REDIC1: variants seen among roughly 807,000 people sequenced by gnomAD.
REDIC1 encodes HEI10 Interacting Protein 1.
At chr12:39,714,876 C>T in the REDIC1 span, among the ~76,000 whole-genome samples, 14 of 151,962 alleles carry the variant, frequency 9.2e-5, no homozygotes, top group South Asian at 1.2e-3. Context: ...TGAGAATTGT[C>T]TATTCATGCC....
chr12:39,811,072 A>G, the REDIC1 span, among the ~76,000 whole-genome samples: 3 of 152,072 alleles, frequency 2.0e-5, no homozygotes, highest in Non-Finnish European at 4.4e-5. Flanking sequence ...TTTTTAATAC[A>G]AATTTGATTT....
At chr12:39,765,194 C>T in the REDIC1 span, among the ~76,000 whole-genome samples, 1 of 151,958 alleles carries the variant, frequency 6.6e-6, no homozygotes, top group Non-Finnish European at 1.5e-5. Flanking sequence ...ATGGCATTTG[C>T]AATCATGACA....
At chr12:39,656,003 T>C in the REDIC1 span, among the ~76,000 whole-genome samples, 1 of 152,162 alleles carries the variant, frequency 6.6e-6, no homozygotes, top group African/African-American at 2.4e-5. Flanking sequence ...CTTTTTCTAA[T>C]GTTAAACCAA....
chr12:39,747,271 T>A, the REDIC1 span, among the ~76,000 whole-genome samples: 1 of 152,162 alleles, frequency 6.6e-6, no homozygotes, highest in Admixed American at 6.5e-5. Context: ...GAGAACTACA[T>A]GACGAATGCA....
chr12:39,667,784 C>G, the REDIC1 span, among the ~76,000 whole-genome samples: 2 of 152,162 alleles, frequency 1.3e-5, no homozygotes, highest in Admixed American at 1.3e-4. Flanking sequence ...GGATAGTTAG[C>G]TCTTCTTGTT....
At chr12:39,852,799 A>G in the REDIC1 span, among the ~76,000 whole-genome samples, 1 of 152,146 alleles carries the variant, frequency 6.6e-6, no homozygotes, top group Non-Finnish European at 1.5e-5. Context: ...ATTGGTTGTG[A>G]CCTCGTCTTC....
the REDIC1 span, among the ~76,000 whole-genome samples, chr12:39,741,242 A>G: frequency 6.6e-6 from 1 of 152,204 alleles, no homozygotes; most frequent in Non-Finnish European, 1.5e-5. Context: ...TGTTCATTAA[A>G]TTTACATCTG....
chr12:39,860,430 C>T, the REDIC1 span, among the ~76,000 whole-genome samples: 1 of 152,140 alleles, frequency 6.6e-6, no homozygotes. Flanking sequence ...TAGTTGTGAA[C>T]AAGATGTTGC....
chr12:39,877,978 C>A, the REDIC1 span, among the ~76,000 whole-genome samples: 1 of 152,156 alleles, frequency 6.6e-6, no homozygotes, highest in South Asian at 2.1e-4. Flanking sequence ...GTGTGAGGTA[C>A]CTCCCCTGAC....
the REDIC1 span, among the ~76,000 whole-genome samples, chr12:39,833,723 A>G: frequency 2.6e-4 from 39 of 152,082 alleles, no homozygotes; most frequent in African/African-American, 9.2e-4. Context: ...TAATAGATAG[A>G]TTTCCCAAAC....
At chr12:39,731,021 C>T in the REDIC1 span, among the ~76,000 whole-genome samples, 1 of 152,102 alleles carries the variant, frequency 6.6e-6, no homozygotes, top group Non-Finnish European at 1.5e-5. Context: ...TTATGTTTTT[C>T]TGTAAACTGG....
chr12:39,730,527 G>T, the REDIC1 span, among the ~76,000 whole-genome samples: 48 of 152,320 alleles, frequency 3.2e-4, no homozygotes, highest in South Asian at 1.7e-3. Flanking sequence ...AGAGAGATCT[G>T]CTGTTAGTCT....
the REDIC1 span, among the ~76,000 whole-genome samples, chr12:39,761,158 G>C: frequency 1.3e-5 from 2 of 151,952 alleles, no homozygotes; most frequent in South Asian, 4.2e-4. Context: ...TATCAGACTG[G>C]GAGTGGGAAG....
At chr12:39,664,113 T>G in the REDIC1 span, among the ~76,000 whole-genome samples, 1 of 152,106 alleles carries the variant, frequency 6.6e-6, no homozygotes, top group Middle Eastern at 3.4e-3. Flanking sequence ...TTAGGGTACA[T>G]GTGCACAATG....
the REDIC1 span, among the ~76,000 whole-genome samples, chr12:39,792,416 A>G: frequency 1.8e-4 from 27 of 152,154 alleles, no homozygotes; most frequent in African/African-American, 6.3e-4. Context: ...AGCAAAAGAA[A>G]CTACCATCAG....
At chr12:39,771,924 C>T in the REDIC1 span, among the ~76,000 whole-genome samples, 1 of 152,118 alleles carries the variant, frequency 6.6e-6, no homozygotes, top group Non-Finnish European at 1.5e-5. Context: ...ATCTCCTACT[C>T]ATGACGTTTC....
the REDIC1 span, chr12:39,685,037 T>C: frequency 3.0e-6 from 2 of 664,834 alleles, no homozygotes; most frequent in East Asian, 5.9e-5. Context: ...ATTCATTAAT[T>C]TTTATTGGAT....
chr12:39,663,676 A>ACT, the REDIC1 span, among the ~76,000 whole-genome samples: 29 of 151,980 alleles, frequency 1.9e-4, no homozygotes, highest in African/African-American at 6.5e-4. Flanking sequence ...TATATATATT[A>ACT]ATGGTTTGAT....
the REDIC1 span, among the ~76,000 whole-genome samples, chr12:39,807,974 C>A: frequency 6.6e-6 from 1 of 152,082 alleles, no homozygotes; most frequent in Non-Finnish European, 1.5e-5. Context: ...GTACTTTAAT[C>A]ATCTATTCAT....
Sources: allele counts gnomAD v4.1 joint callset (sites outside exome capture counted in the v4.1 genomes callset), GRCh38; gene constraint gnomAD v4.1.1; transcripts MANE v1.5; gene names NCBI Gene and HGNC (gene_info 2026-07-23, HGNC 2026-07-21).